The following GK variants were observed in gnomAD, a reference collection of about 807,000 sequenced individuals.
GK encodes glycerol kinase, also known as ATP:glycerol 3-phosphotransferase.
A neutral mutation model predicts 56.4 loss-of-function variants in GK; 9 were observed. The observed-to-expected ratio is 0.16, with a 90% CI of 0.10 to 0.28. The LOEUF (loss-of-function observed/expected upper bound fraction) is 0.28. Ranked by LOEUF, GK falls within the 10% of genes least tolerant of loss-of-function variation. The probability of loss-of-function intolerance (pLI) is 1.00; values close to 1 mark genes in which losing one functional copy is unlikely to be tolerated. For missense variants in GK, 161 were observed against 431.4 expected (o/e 0.37, Z 5.55); for synonymous variants, 104 against 144.1 (o/e 0.72, Z 1.99).
rs780721866 is a variant in GK at position 30,696,476 on chromosome X, A to G, written c.663-141A>G. 17 of 487,735 alleles carry G rather than the reference A, an allele frequency of 3.5e-5. No individual in the cohort carries two copies. In the East Asian group the frequency reaches 5.7e-4, roughly 16 times the overall value. 40.2% of individuals were successfully genotyped at this position (487,735 alleles called of 1,213,427 possible). On this transcript the variant is annotated intron_variant, in intron 7 of 20. Transcript: ENST00000427190. ...GAATACAGCTATGTTCTGTTGGCTTACGTATTTATTGCTATCTAACTCCAT... is the reference window on the plus strand; with the variant it reads ...GAATACAGCTATGTTCTGTTGGCTTGCGTATTTATTGCTATCTAACTCCAT...
intron 13 of GK, among the ~76,000 whole-genome samples, chrX:30,712,717 C>CTTTTTTT (rs769269247): frequency 7.2e-4 from 35 of 48,399 alleles, no homozygotes; most frequent in African/African-American, 1.2e-3. Flanking sequence ...TTTTTCTTTT[C>CTTTTTTT]TTTTTTTTTT....
chrX:30,665,439 G>A, intron 1 of GK, 72 bp from the exon 2 acceptor site: 3 of 636,347 alleles, frequency 4.7e-6, no homozygotes, highest in Non-Finnish European at 7.9e-6. Context: ...AAGAACTTCA[G>A]TTACTGAATA....
intron 1 of GK, among the ~76,000 whole-genome samples, chrX:30,664,271 G>A (rs1475238349): frequency 4.0e-5 from 4 of 100,117 alleles, no homozygotes; most frequent in Admixed American, 1.2e-4. Context: ...TCGGCTCACC[G>A]CAACCTCCGC....
chrX:30,699,612 C>T (rs183917074), intron 9 of GK, among the ~76,000 whole-genome samples: 286 of 109,922 alleles, frequency 2.6e-3, no homozygotes, highest in African/African-American at 9.2e-3. Context: ...GATCCTCCCA[C>T]CTCGGCCTCC....
intron 14 of GK, 43 bp from the exon 15 acceptor site, chrX:30,719,376 C>A (rs776393188): frequency 6.7e-5 from 55 of 822,442 alleles, no homozygotes; most frequent in Non-Finnish European, 9.9e-5. Flanking sequence ...TAATAATACA[C>A]AATATTTGTG....
intron 4 of GK, among the ~76,000 whole-genome samples, chrX:30,686,355 A>G (rs1253897468): frequency 1.8e-5 from 2 of 112,415 alleles, no homozygotes; most frequent in Non-Finnish European, 3.8e-5. Context: ...TTGTGGGAGA[A>G]ACAACCCAAT....
At chrX:30,693,812 G>T (rs1473497163) in intron 5 of GK, among the ~76,000 whole-genome samples, 1 of 111,654 alleles carries the variant, frequency 9.0e-6, no homozygotes, top group Non-Finnish European at 1.9e-5. Flanking sequence ...GCCTCCCAAA[G>T]TGTTGGGATT....
intron 18 of GK, among the ~76,000 whole-genome samples, chrX:30,722,985 C>G (rs1936975799): frequency 8.9e-6 from 1 of 111,837 alleles, no homozygotes; most frequent in African/African-American, 3.2e-5. Context: ...TTGTGGATTT[C>G]CACCTTTAAA....
chrX:30,676,002 GC>G (rs768344190), intron 3 of GK, among the ~76,000 whole-genome samples: 17 of 112,159 alleles, frequency 1.5e-4, no homozygotes, highest in African/African-American at 4.8e-4. Context: ...TGTTGGCCAG[GC>G]TGATCTTGAG....
At chrX:30,720,548 G>A in intron 16 of GK, 73 bp from the exon 17 acceptor site, 1 of 960,565 alleles carries the variant, frequency 1.0e-6, no homozygotes, top group South Asian at 1.9e-5. Flanking sequence ...GAGTTTCTGA[G>A]TGGAGGATTG....
chrX:30,709,073 T>C (rs1936182123), intron 13 of GK, among the ~76,000 whole-genome samples: 1 of 112,495 alleles, frequency 8.9e-6, no homozygotes, highest in South Asian at 3.6e-4. Flanking sequence ...ATTAAATGTA[T>C]CTTAACACTT....
chrX:30,699,303 TA>T (rs1481273075), intron 9 of GK, among the ~76,000 whole-genome samples: 91 of 64,424 alleles, frequency 1.4e-3, no homozygotes, highest in African/African-American at 5.0e-3. Flanking sequence ...ACATAACATG[TA>T]TATATATAAC....
chrX:30,710,942 G>A (rs1273964266), intron 13 of GK, among the ~76,000 whole-genome samples: 2 of 111,125 alleles, frequency 1.8e-5, no homozygotes, highest in Admixed American at 9.6e-5. Context: ...ATCACCAATT[G>A]TGTTATTTTG....
chrX:30,674,237 G>A (rs1933728116), intron 3 of GK: 1 of 325,716 alleles, frequency 3.1e-6, no homozygotes, highest in African/African-American at 2.6e-5. Flanking sequence ...TTGAATCCCA[G>A]CTATCTGGCC....
intron 11 of GK, among the ~76,000 whole-genome samples, chrX:30,704,895 T>G (rs1346797491): frequency 8.9e-6 from 1 of 111,754 alleles, no homozygotes; most frequent in Non-Finnish European, 1.9e-5. Context: ...AGAGTGAAGT[T>G]GTACTAGAAT....
intron 2 of GK, 57 bp from the exon 3 acceptor site, chrX:30,667,954 GA>G: frequency 1.5e-6 from 1 of 666,438 alleles, no homozygotes. Context: ...CATTTCTATA[GA>G]AAAAAGTTAT....
At chrX:30,728,633 C>CTT (rs1937242396) in intron 20 of GK, 99 bp from the exon 21 acceptor site, 2 of 614,687 alleles carry the variant, frequency 3.3e-6, no homozygotes, top group Admixed American at 4.5e-5. Flanking sequence ...ATCATATGGA[C>CTT]TTTCTAGCTT....
rs1039294871 is a variant in GK, at chrX:30,726,473, G to A, written c.1583-993G>A. 6.9e-4 allele frequency among the ~76,000 whole-genome samples: 76 copies of A among 110,660 alleles called. 1 individual carries two copies. Among genetic ancestry groups the A allele is most frequent in the Non-Finnish European group, 2.3e-4 (12 of 52,887 alleles). On this transcript the variant is annotated intron_variant, in intron 19 of 20. Transcript: ENST00000427190. ...CGGCTAATTTTGTATTTTTAGTAGA[G>A]ATGGGGTTTCTCCGTGTTGGTCAGG...
At chrX:30,699,672 T>C (rs914997746) in intron 9 of GK, among the ~76,000 whole-genome samples, 1 of 110,674 alleles carries the variant, frequency 9.0e-6, no homozygotes, top group African/African-American at 3.3e-5. Flanking sequence ...CTGGGGATCC[T>C]ATTTCTTAGT....
Sources: gnomAD v4.1 joint callset for allele counts (sites outside exome capture counted in the v4.1 genomes callset) on GRCh38, gnomAD v4.1.1 for gene constraint, MANE v1.5 for transcripts, NCBI Gene and HGNC (gene_info 2026-07-23, HGNC 2026-07-21) for gene names.